Variants in RAPGEF6 observed in about 807,000 individuals in gnomAD.
The protein encoded by RAPGEF6 is PDZ domain containing guanine nucleotide exchange factor (GEF) 2.
RAPGEF6 carries 56 observed loss-of-function variants against 171.4 expected under a neutral mutation model. That is an observed-to-expected ratio of 0.33 (90% CI 0.26 to 0.41). RAPGEF6 has a LOEUF of 0.41. RAPGEF6 is among the 10% of genes least tolerant of loss of function. RAPGEF6 has a pLI of 1.00. For synonymous variants in RAPGEF6, 692 were observed against 650.1 expected, an observed-to-expected ratio of 1.06 and a Z score of -0.98; for missense variants, 1,674 against 1,921.4, an observed-to-expected ratio of 0.87 and a Z score of 2.41.
Position 131,439,688 on chromosome 5 carries a change from C to G in RAPGEF6, c.3638G>C (p.Gly1213Ala), listed in dbSNP as rs1188282668. 1.2e-5 allele frequency: 19 copies of G among 1,611,526 alleles called. No individual in the cohort carries two copies. The highest frequency in any genetic ancestry group is 1.7e-5 in the Admixed American group (1 of 59,804). ...LNTSLPQKVL[G>A]TTEEISGKKH... ...CTTACCACTTATTTCTTCAGTTGTT[C>G]CTAAAACTTTCTGAGGTAAACTTGT... Residue 1213 changes from glycine to alanine, a missense_variant, in exon 24 of 28, where the codon GGA becomes GCA. Physicochemically the swap from Gly to Ala is moderately conservative, Grantham distance 60 (BLOSUM62 0). Coordinates refer to ENST00000509018, the MANE Select transcript of RAPGEF6 (RefSeq NM_016340.6).
intron 1 of RAPGEF6, among the ~76,000 whole-genome samples, chr5:131,619,433 C>G (rs747398301): frequency 6.6e-6 from 1 of 152,030 alleles, no homozygotes; most frequent in Admixed American, 6.5e-5. Context: ...CAAACCTGCA[C>G]GTTCTGCACA....
intron 24 of RAPGEF6, chr5:131,435,798 A>G: frequency 5.2e-6 from 7 of 1,344,644 alleles, no homozygotes; most frequent in Non-Finnish European, 6.8e-6. Context: ...ACATCAGTAA[A>G]ATAACTTATG....
At chr5:131,575,520 C>T (rs1457319107) in intron 4 of RAPGEF6, among the ~76,000 whole-genome samples, 2 of 152,272 alleles carry the variant, frequency 1.3e-5, no homozygotes, top group South Asian at 2.1e-4. Flanking sequence ...ATCTCCGAAA[C>T]CCCAACCCCT....
At position 131,478,236 on chromosome 5, in the gene RAPGEF6, C is replaced by T. The variant is rs951241176; in HGVS notation, c.2081+1277G>A. Reference sequence around the variant, plus strand: ...TGAGGATATCTGATTGGAAAAACTTCGAGATTTTTAATTATTGAAAAAATA... The same window carrying T: ...TGAGGATATCTGATTGGAAAAACTTTGAGATTTTTAATTATTGAAAAAATA... On this transcript the variant is annotated intron_variant, in intron 16 of 27. Transcript: ENST00000509018. Among the ~76,000 whole-genome samples the T allele has an allele frequency of 2.6e-5, 4 of 152,048 alleles. No homozygotes were observed. The East Asian group carries it at 5.8e-4, about 22-fold the overall frequency.
intron 4 of RAPGEF6, among the ~76,000 whole-genome samples, chr5:131,563,780 C>T (rs950785462): frequency 6.6e-6 from 1 of 152,168 alleles, no homozygotes; most frequent in Non-Finnish European, 1.5e-5. Flanking sequence ...GCTAGGATTA[C>T]AGGCGTGAGC....
intron 5 of RAPGEF6, among the ~76,000 whole-genome samples, chr5:131,551,656 A>G (rs1050587582): frequency 3.9e-5 from 6 of 152,216 alleles, no homozygotes. Context: ...CCAATATTAC[A>G]TGATTCTTAG....
intron 20 of RAPGEF6, among the ~76,000 whole-genome samples, chr5:131,453,643 C>T (rs746783962): frequency 2.0e-5 from 3 of 152,104 alleles, no homozygotes; most frequent in Non-Finnish European, 4.4e-5. Flanking sequence ...CAAAGGGCAA[C>T]CTGTTTATAG....
chr5:131,534,312 C>T (rs1203629111), intron 6 of RAPGEF6, among the ~76,000 whole-genome samples: 1 of 152,030 alleles, frequency 6.6e-6, no homozygotes, highest in Non-Finnish European at 1.5e-5. Context: ...ACTTTCTGAA[C>T]AACACTATGC....
chr5:131,601,981 G>A (rs1764283350), intron 3 of RAPGEF6, among the ~76,000 whole-genome samples: 1 of 150,380 alleles, frequency 6.6e-6, no homozygotes, highest in Non-Finnish European at 1.5e-5. Flanking sequence ...CTTGCAGTGA[G>A]CTGAGATTGT....
intron 1 of RAPGEF6, among the ~76,000 whole-genome samples, chr5:131,633,542 C>G (rs1353013650): frequency 1.3e-5 from 2 of 151,942 alleles, no homozygotes; most frequent in Non-Finnish European, 2.9e-5. Context: ...CCACCCTGGG[C>G]AATATGGTGC....
chr5:131,457,894 A>G (rs1478081170), intron 19 of RAPGEF6, among the ~76,000 whole-genome samples: 12 of 152,250 alleles, frequency 7.9e-5, no homozygotes, highest in Admixed American at 5.2e-4. Context: ...AGTTATCATC[A>G]GTTGAAGAAA....
chr5:131,483,821 C>A (rs1200152234), intron 15 of RAPGEF6, among the ~76,000 whole-genome samples: 2 of 151,978 alleles, frequency 1.3e-5, no homozygotes, highest in Admixed American at 1.3e-4. Flanking sequence ...TTTACAGAGG[C>A]CGGGCGTGGT....
intron 6 of RAPGEF6, among the ~76,000 whole-genome samples, chr5:131,525,102 T>C (rs1254248521): frequency 6.6e-6 from 1 of 152,302 alleles, no homozygotes; most frequent in African/African-American, 2.4e-5. Context: ...CAGATTTCAG[T>C]AGCAGTCTGA....
intron 4 of RAPGEF6, among the ~76,000 whole-genome samples, chr5:131,591,297 C>A (rs1031225441): frequency 1.3e-5 from 2 of 152,124 alleles, no homozygotes; most frequent in Admixed American, 1.3e-4. Flanking sequence ...CGTTGAGGCC[C>A]TAAAATCTTA....
chr5:131,556,174 TC>T (rs1294584468), intron 5 of RAPGEF6, among the ~76,000 whole-genome samples: 1 of 152,178 alleles, frequency 6.6e-6, no homozygotes, highest in Non-Finnish European at 1.5e-5. Flanking sequence ...GCTCAGTGGC[TC>T]ACGCCTGTAA....
chr5:131,632,628 T>G (rs775806215), intron 1 of RAPGEF6, among the ~76,000 whole-genome samples: 1 of 152,220 alleles, frequency 6.6e-6, no homozygotes, highest in Admixed American at 6.5e-5. Context: ...TACAACATAG[T>G]GCACAGACTA....
At chr5:131,600,192 T>C (rs1449021925) in intron 3 of RAPGEF6, among the ~76,000 whole-genome samples, 4 of 152,228 alleles carry the variant, frequency 2.6e-5, no homozygotes, top group Admixed American at 6.5e-5. Flanking sequence ...AAATCTTTTA[T>C]GAAAATAGTT....
At chr5:131,443,569 C>T (rs1488292790) in intron 22 of RAPGEF6, among the ~76,000 whole-genome samples, 3 of 152,172 alleles carry the variant, frequency 2.0e-5, no homozygotes, top group Non-Finnish European at 4.4e-5. Context: ...TTTCCCTTCT[C>T]CTTCTGCACA....
intron 1 of RAPGEF6, among the ~76,000 whole-genome samples, chr5:131,621,666 C>T (rs1211536529): frequency 1.3e-5 from 2 of 152,076 alleles, no homozygotes; most frequent in East Asian, 3.9e-4. Flanking sequence ...TAAAGAGTTG[C>T]TATACTGTAT....
Sources: gnomAD v4.1 joint callset for allele counts (sites outside exome capture counted in the v4.1 genomes callset) on GRCh38, gnomAD v4.1.1 for gene constraint, MANE v1.5 for transcripts, NCBI Gene and HGNC (gene_info 2026-07-23, HGNC 2026-07-21) for gene names.